FREM1: variants seen among roughly 807,000 people sequenced by gnomAD.
FREM1 encodes the protein FRAS1 related extracellular matrix 1, also known as FRAS1-related extracellular matrix protein 1.
A neutral mutation model predicts 210.1 loss-of-function variants in FREM1; 220 were observed. That is an observed-to-expected ratio of 1.05 (90% confidence interval 0.94 to 1.17). FREM1 has a LOEUF of 1.17. Among genes scored for constraint, FREM1 ranks in the 50% most tolerant of loss-of-function variants. The pLI, the probability that FREM1 is intolerant of heterozygous loss-of-function variation, is 0.00. For missense variants in FREM1, 3,454 were observed against 2,675.5 expected, an observed-to-expected ratio of 1.29 and a Z score of -6.42; for synonymous variants, 1,189 against 980.2, an observed-to-expected ratio of 1.21 and a Z score of -3.98.
At chr9:14,789,626 T>TAA (rs1850966345) in intron 22 of FREM1, among the ~76,000 whole-genome samples, 1 of 152,202 alleles carries the variant, frequency 6.6e-6, no homozygotes. Context: ...TTTCCAGCCT[T>TAA]ACTAAAGAAA....
At chr9:14,780,388 C>T (rs1849450668) in intron 24 of FREM1, among the ~76,000 whole-genome samples, 1 of 126,884 alleles carries the variant, frequency 7.9e-6, no homozygotes, top group Non-Finnish European at 1.6e-5. Context: ...TCTGTCATGG[C>T]ATTTAAGAGA....
At chr9:14,742,385 G>A (rs1220534369) in intron 35 of FREM1, among the ~76,000 whole-genome samples, 1 of 152,080 alleles carries the variant, frequency 6.6e-6, no homozygotes, top group Non-Finnish European at 1.5e-5. Flanking sequence ...ATTACCAAAT[G>A]TACAATGACT....
At chr9:14,865,661 CTGTGTGTGTGTGTGTGTGTGTG>C (rs56960871) in intron 2 of FREM1, among the ~76,000 whole-genome samples, 1 of 144,516 alleles carries the variant, frequency 6.9e-6, no homozygotes, top group Non-Finnish European at 1.5e-5. Flanking sequence ...AATGTTTAGG[CTGTGTGTGTGTGTGTGTGTGTG>C]TGTGTGTGTG....
chr9:14,843,524 CAGAT>C lies in FREM1; in HGVS notation c.1394-868_1394-865del, dbSNP rs530688322. On this transcript the variant is annotated intron_variant, in intron 8 of 36. Transcript: ENST00000380880. The stretch of plus-strand genomic sequence containing the variant: ...GTAGGTAGGTAGGTAGGTAGGTAGG[CAGAT>C]AGATACATACATACATAGATAGACA... Among the ~76,000 whole-genome samples, 151 of 150,048 alleles carry C rather than the reference CAGAT, an allele frequency of 1.0e-3. 3 individuals are homozygous for C. The highest frequency in any genetic ancestry group is 3.2e-3 in the South Asian group (15 of 4,678).
intron 24 of FREM1, chr9:14,779,428 TG>T: frequency 1.1e-6 from 1 of 941,740 alleles, no homozygotes; most frequent in Non-Finnish European, 1.3e-6. Context: ...AGGGGAGAGA[TG>T]GGACCAGGAG....
Position 14,816,853 on chromosome 9 carries a change from AGTTCCATCAT to A in FREM1, c.2555_2564del (p.His852LeufsTer37). ...AGAGTAGGTCATCCTGAAGAACTTCAGTTCCATCATGTTGATACCTGTGGGGATAATATTT... is the reference window on the plus strand; with the variant it reads ...AGAGTAGGTCATCCTGAAGAACTTCAGTTGATACCTGTGGGGATAATATTT... On this transcript the variant is annotated frameshift_variant, in exon 15 of 37. Coordinates refer to ENST00000380880, the MANE Select transcript of FREM1 (RefSeq NM_001379081.2). LOFTEE classifies it high-confidence loss of function. 7.1e-7 allele frequency: 1 copy of A among 1,416,264 alleles called. No individual in the cohort carries two copies. Among genetic ancestry groups the A allele is most frequent in the Non-Finnish European group, 9.5e-7 (1 of 1,049,510 alleles). The allele number at this position is 1,416,264 out of a possible 1,614,324, so 87.7% of individuals were successfully genotyped here.
chr9:14,810,278 C>A (rs1819163674), intron 16 of FREM1, among the ~76,000 whole-genome samples: 1 of 151,916 alleles, frequency 6.6e-6, no homozygotes, highest in Non-Finnish European at 1.5e-5. Flanking sequence ...AATTGAGTAA[C>A]CACAATTTCT....
At chr9:14,860,749 G>A (rs1221904664) in intron 3 of FREM1, among the ~76,000 whole-genome samples, 961 of 80,332 alleles carry the variant, frequency 0.012, 38 homozygotes, top group East Asian at 0.023. Flanking sequence ...ACATATATAT[G>A]CACATATATA....
intron 2 of FREM1, among the ~76,000 whole-genome samples, chr9:14,865,130 T>C (rs1831268910): frequency 6.6e-6 from 1 of 152,234 alleles, no homozygotes; most frequent in African/African-American, 2.4e-5. Context: ...TCAATTACAA[T>C]TTATAATTAA....
intron 10 of FREM1, among the ~76,000 whole-genome samples, chr9:14,833,462 G>C (rs898918631): frequency 6.6e-6 from 1 of 152,192 alleles, no homozygotes; most frequent in East Asian, 1.9e-4. Flanking sequence ...GGAGTTGTTT[G>C]GGTCGGATCT....
chr9:14,762,907 G>C (rs1845762989), intron 27 of FREM1, among the ~76,000 whole-genome samples: 1 of 152,130 alleles, frequency 6.6e-6, no homozygotes, highest in Non-Finnish European at 1.5e-5. Context: ...AAGCCACACA[G>C]CTATATGCCT....
chr9:14,745,822 C>T (rs765607438), intron 35 of FREM1, among the ~76,000 whole-genome samples: 1 of 152,186 alleles, frequency 6.6e-6, no homozygotes, highest in South Asian at 2.1e-4. Flanking sequence ...CATAAGTTAT[C>T]CTTTATTGAA....
At position 14,812,894 on chromosome 9, in the gene FREM1, C is replaced by T. The variant is rs150482858; in HGVS notation, c.2811G>A (p.Gly937=). Reference sequence around the variant, plus strand: ...CTGTGACTCCAGCTCTCCTCACCACCCCATGCTGAGGTTCGCGAGCAATCA... The same window carrying T: ...CTGTGACTCCAGCTCTCCTCACCACTCCATGCTGAGGTTCGCGAGCAATCA... ...MFVIAREPQH[G]VVRRAGVTVD... Residue 937 remains glycine, a synonymous_variant, in exon 16 of 37, where the codon GGG becomes GGA. Transcript: ENST00000380880. 3.2e-5 allele frequency: 51 copies of T among 1,613,830 alleles called. No homozygotes were observed. The Middle Eastern group carries it at 5.0e-4, about 16-fold the overall frequency.
intron 10 of FREM1, among the ~76,000 whole-genome samples, chr9:14,840,598 T>C (rs976567571): frequency 6.6e-6 from 1 of 152,170 alleles, no homozygotes; most frequent in African/African-American, 2.4e-5. Flanking sequence ...CCCACCCCCA[T>C]GATTCAATTA....
chr9:14,818,703 T>A (rs1000815495), intron 14 of FREM1, among the ~76,000 whole-genome samples: 1 of 152,208 alleles, frequency 6.6e-6, no homozygotes, highest in East Asian at 1.9e-4. Flanking sequence ...GATTGTGCCA[T>A]CCCTGTTGGA....
intron 10 of FREM1, among the ~76,000 whole-genome samples, chr9:14,839,772 G>T (rs1344116386): frequency 6.6e-6 from 1 of 152,128 alleles, no homozygotes; most frequent in African/African-American, 2.4e-5. Context: ...TTTTTAAAAA[G>T]GCCCATAGGC....
Position 14,789,094 on chromosome 9 carries a change from A to G in FREM1, c.4002T>C (p.Pro1334=), listed in dbSNP as rs1306628876. The change falls in exon 23 of 37, where the codon CCT becomes CCC. Residue 1334 remains proline (P), a synonymous_variant. Transcript: ENST00000380880. Reference sequence around the variant, plus strand: ...GAGTGCATTTCATGCCAGGGGAGAGAGGAACCCAGTCCCTCCCTATCTGGA... The same window carrying G: ...GAGTGCATTTCATGCCAGGGGAGAGGGGAACCCAGTCCCTCCCTATCTGGA... ...LQLKIGRDWV[P]LSPGMKCTQE... The G allele has an allele frequency of 3.8e-6, 6 of 1,595,158 alleles. No homozygotes were observed. Among genetic ancestry groups the G allele is most frequent in the Non-Finnish European group, 5.1e-6 (6 of 1,170,096 alleles).
chr9:14,873,942 G>T (rs1425906614), intron 1 of FREM1, among the ~76,000 whole-genome samples: 1 of 152,088 alleles, frequency 6.6e-6, no homozygotes, highest in African/African-American at 2.4e-5. Flanking sequence ...AGTCATTCAG[G>T]AGCAGGTTGT....
At chr9:14,785,871 T>C (rs1850351670) in intron 23 of FREM1, among the ~76,000 whole-genome samples, 1 of 152,158 alleles carries the variant, frequency 6.6e-6, no homozygotes, top group African/African-American at 2.4e-5. Context: ...TTTAACACTA[T>C]GAACTGGTAC....
Sources: allele counts gnomAD v4.1 joint callset (sites outside exome capture counted in the v4.1 genomes callset), GRCh38; gene constraint gnomAD v4.1.1; transcripts MANE v1.5; gene names NCBI Gene and HGNC (gene_info 2026-07-23, HGNC 2026-07-21).